Variants in MDFIC2 observed in about 807,000 individuals in gnomAD.
MDFIC2 encodes the protein myoD family inhibitor domain-containing protein 2.
chr3:70,205,552 A>T (rs1701281638), intron 3 of MDFIC2: 1 of 150,894 alleles, frequency 6.6e-6, no homozygotes, highest in Non-Finnish European at 1.5e-5. Flanking sequence ...TTTATACGTT[A>T]TTTTTTTTTG....
intron 2 of MDFIC2, among the ~76,000 whole-genome samples, chr3:70,278,163 A>G (rs1460027963): frequency 6.6e-6 from 1 of 152,146 alleles, no homozygotes; most frequent in Non-Finnish European, 1.5e-5. Flanking sequence ...GCCTGTTCTT[A>G]TATAAATGGG....
intron 2 of MDFIC2, among the ~76,000 whole-genome samples, chr3:70,237,657 TA>T (rs1701623221): frequency 6.6e-6 from 1 of 152,196 alleles, no homozygotes; most frequent in Non-Finnish European, 1.5e-5. Context: ...ATTGCCTAAA[TA>T]GGGAAAAGAT....
chr3:70,273,805 T>G (rs1701996857), intron 2 of MDFIC2, among the ~76,000 whole-genome samples: 1 of 152,112 alleles, frequency 6.6e-6, no homozygotes, highest in Non-Finnish European at 1.5e-5. Flanking sequence ...ATTTTTCTCT[T>G]TTGTTTTGTT....
At chr3:70,200,672 C>G (rs1003136492) in intron 3 of MDFIC2, among the ~76,000 whole-genome samples, 4 of 152,188 alleles carry the variant, frequency 2.6e-5, no homozygotes, top group African/African-American at 7.2e-5. Flanking sequence ...GTTACCTCCT[C>G]CTATTAGAAT....
At chr3:70,294,871 G>A (rs574375408) in intron 2 of MDFIC2, among the ~76,000 whole-genome samples, 1 of 152,136 alleles carries the variant, frequency 6.6e-6, no homozygotes, top group Admixed American at 6.6e-5. Context: ...CAAAATAGGA[G>A]ACTATCTTTT....
rs181067671 is a variant in MDFIC2, at chr3:70,212,290, T to G, written c.89-5500A>C. 2.5e-4 allele frequency among the ~76,000 whole-genome samples: 38 copies of G among 152,274 alleles called. No individual in the cohort carries two copies. In the East Asian group the frequency reaches 5.6e-3, roughly 22 times the overall value. On this transcript the variant is annotated intron_variant, in intron 2 of 3. Transcript: ENST00000567252. The stretch of plus-strand genomic sequence containing the variant: ...ACACTTGTAACTGTCTATTGGACAT[T>G]TTTTGTGGGTAACTAGCGAAATCCT...
At chr3:70,250,884 A>G (rs1701758901) in intron 2 of MDFIC2, among the ~76,000 whole-genome samples, 1 of 152,214 alleles carries the variant, frequency 6.6e-6, no homozygotes, top group Non-Finnish European at 1.5e-5. Flanking sequence ...AGGCTTCATC[A>G]AAAATATATA....
At chr3:70,311,769 A>G (rs1702455595) in intron 2 of MDFIC2, 117 bp downstream of exon 2, 2 of 390,570 alleles carry the variant, frequency 5.1e-6, no homozygotes, top group Admixed American at 8.9e-5. Context: ...AGTGAAAATC[A>G]GAAGTACTAC....
In MDFIC2 at chr3:70,196,974, G is replaced by A. The variant is rs1268377387; in HGVS notation, c.522C>T (p.Ser174=). The A allele has an allele frequency of 7.5e-6, 3 of 398,518 alleles. No homozygotes were observed. The highest frequency in any genetic ancestry group is 1.3e-5 in the Non-Finnish European group (3 of 226,016). 24.7% of individuals were successfully genotyped at this position (398,518 alleles called of 1,614,324 possible). A position where few individuals can be genotyped will look rare whatever the true frequency, so the allele number is the denominator to read the frequency against. Residue 174 remains serine (S), a synonymous_variant, in exon 4 of 4, where the codon AGC becomes AGT. Coordinates refer to ENST00000567252, the MANE Select transcript of MDFIC2 (RefSeq NM_001364677.1). ...TCTCCATGGCCAGTTCCAGACACTC[G>A]CTGGTCTCATGGCAAGATTCAAAAA... ...CSLFESCHET[S]ECLELAMEIS... is the part of the protein sequence containing the mutation.
At chr3:70,307,213 A>G (rs537913748) in intron 2 of MDFIC2, among the ~76,000 whole-genome samples, 3 of 152,128 alleles carry the variant, frequency 2.0e-5, no homozygotes, top group East Asian at 3.9e-4. Flanking sequence ...TGGTGTTGTT[A>G]TTGTTGTTGT....
intron 2 of MDFIC2, among the ~76,000 whole-genome samples, chr3:70,223,363 T>C (rs186561607): frequency 6.6e-6 from 1 of 152,326 alleles, no homozygotes; most frequent in African/African-American, 2.4e-5. Flanking sequence ...CACAGATTCC[T>C]TAAAAATCAA....
chr3:70,286,039 C>T (rs1295326916), intron 2 of MDFIC2, among the ~76,000 whole-genome samples: 1 of 151,994 alleles, frequency 6.6e-6, no homozygotes, highest in Non-Finnish European at 1.5e-5. Flanking sequence ...GTTTCTTTTG[C>T]TGTGCAGAAG....
rs181544316 is a variant in MDFIC2 at position 70,290,933 on chromosome 3, G to A, written c.88+20953C>T. The stretch of plus-strand genomic sequence containing the variant: ...CTGCTTCGGATGGCGCACGGTGCGC[G>A]CACCCACTGACCTGAGCCCACTGTC... On this transcript the variant is annotated intron_variant, in intron 2 of 3. Transcript: ENST00000567252. 2.6e-5 allele frequency among the ~76,000 whole-genome samples: 4 copies of A among 152,186 alleles called. 1 individual carries two copies. In the South Asian group the frequency reaches 6.2e-4, roughly 24 times the overall value.
chr3:70,273,121 T>A (rs1247661429), intron 2 of MDFIC2, among the ~76,000 whole-genome samples: 1 of 152,186 alleles, frequency 6.6e-6, no homozygotes, highest in Non-Finnish European at 1.5e-5. Context: ...ACAAGGAAGA[T>A]GAATACAATC....
At chr3:70,281,051 G>T (rs1013627608) in intron 2 of MDFIC2, among the ~76,000 whole-genome samples, 4 of 152,150 alleles carry the variant, frequency 2.6e-5, no homozygotes, top group Non-Finnish European at 4.4e-5. Flanking sequence ...CATGCTGAAG[G>T]ATCTCATGTA....
intron 2 of MDFIC2, among the ~76,000 whole-genome samples, chr3:70,228,116 C>G (rs908197742): frequency 2.6e-5 from 4 of 151,684 alleles, no homozygotes; most frequent in Non-Finnish European, 5.9e-5. Flanking sequence ...CTAAATAGTT[C>G]AACATTTAAA....
At chr3:70,231,336 C>A (rs929224800) in intron 2 of MDFIC2, among the ~76,000 whole-genome samples, 4 of 152,220 alleles carry the variant, frequency 2.6e-5, no homozygotes, top group Non-Finnish European at 5.9e-5. Flanking sequence ...GCTAGACAAG[C>A]AGCCCGCCAT....
At chr3:70,247,934 G>A (rs1362172278) in intron 2 of MDFIC2, among the ~76,000 whole-genome samples, 1 of 151,952 alleles carries the variant, frequency 6.6e-6, no homozygotes, top group Non-Finnish European at 1.5e-5. Context: ...TCTTTTAGAT[G>A]AGATCAATCA....
At chr3:70,287,909 C>T (rs1410995066) in intron 2 of MDFIC2, among the ~76,000 whole-genome samples, 1 of 152,152 alleles carries the variant, frequency 6.6e-6, no homozygotes, top group African/African-American at 2.4e-5. Context: ...GTGACATCCC[C>T]TTTATCATTT....
Sources: allele counts gnomAD v4.1 joint callset (sites outside exome capture counted in the v4.1 genomes callset), GRCh38; gene constraint gnomAD v4.1.1; transcripts MANE v1.5; gene names NCBI Gene and HGNC (gene_info 2026-07-23, HGNC 2026-07-21).